CASZ1: variants seen among roughly 807,000 people sequenced by gnomAD.
The protein encoded by CASZ1 is zinc finger protein castor homolog 1.
A neutral mutation model predicts 135.2 loss-of-function variants in CASZ1; 28 were observed. That is an observed-to-expected ratio of 0.21 (90% CI 0.15 to 0.28). CASZ1 has a LOEUF of 0.28. Among genes scored for constraint, CASZ1 ranks in the 10% least tolerant of loss-of-function variants. The pLI is 1.00. For missense variants in CASZ1, 2,161 were observed against 2,453.3 expected (o/e 0.88, Z 2.52); for synonymous variants, 1,068 against 1,073.4 (o/e 0.99, Z 0.10).
At position 10,660,546 on chromosome 1, in the gene CASZ1, A is replaced by G. The variant is rs752106591; in HGVS notation, c.506-10T>C. On this transcript the variant is annotated splice_polypyrimidine_tract_variant and intron_variant, in intron 5 of 20. Coordinates refer to ENST00000377022, the MANE Select transcript of CASZ1 (RefSeq NM_001079843.3). ...AGCGAGGAGGCCTCTCCTGCAGAGG[A>G]GGATGGGGGCGCATCACCTCTGGGA... 1 of 1,605,854 alleles carries G rather than the reference A, an allele frequency of 6.2e-7. No homozygotes were observed. The highest frequency in any genetic ancestry group is 8.5e-7 in the Non-Finnish European group (1 of 1,177,560).
chr1:10,658,691 A>G (rs1642893115), intron 6 of CASZ1, 115 bp from the exon 7 acceptor site: 2 of 879,574 alleles, frequency 2.3e-6, no homozygotes, highest in Admixed American at 1.9e-5. Context: ...TCTGCTCTGC[A>G]GTGTCCGAGG....
rs1437945182 is a variant in CASZ1, at chr1:10,774,263, G to A, written c.-233-13406C>T. 6.6e-6 allele frequency among the ~76,000 whole-genome samples: 1 copy of A among 152,148 alleles called. No individual in the cohort carries two copies. Among genetic ancestry groups the A allele is most frequent in the Non-Finnish European group, 1.5e-5 (1 of 68,026 alleles). ...CACACGGTATATCTCCTGACTCTCG[G>A]AGAATCGGGAACCATTTCAAAAGCT... On this transcript the variant is annotated intron_variant, in intron 1 of 20. Transcript: ENST00000377022. The surrounding 1 kb of genome is among the most constrained non-coding windows in gnomAD (Gnocchi z 4.4).
intron 13 of CASZ1, 152 bp downstream of exon 13, chr1:10,650,540 T>C: frequency 1.5e-6 from 1 of 653,798 alleles, no homozygotes; most frequent in South Asian, 2.0e-5. Context: ...TCTGAAATTA[T>C]ATCCGATGAA....
intron 1 of CASZ1, among the ~76,000 whole-genome samples, chr1:10,771,277 CG>C (rs1352647697): frequency 1.8e-4 from 7 of 39,242 alleles, no homozygotes; most frequent in Non-Finnish European, 3.0e-4. Flanking sequence ...GAGGTGGGGG[CG>C]GGGGTGGCGG....
intron 4 of CASZ1, among the ~76,000 whole-genome samples, chr1:10,675,991 G>A (rs1484648987): frequency 1.3e-5 from 2 of 152,168 alleles, no homozygotes; most frequent in African/African-American, 2.4e-5. Context: ...CCATCCCAGG[G>A]GCTCAGACAC....
intron 1 of CASZ1, among the ~76,000 whole-genome samples, chr1:10,784,328 G>A (rs1275102362): frequency 6.6e-6 from 1 of 152,192 alleles, no homozygotes; most frequent in African/African-American, 2.4e-5. Context: ...CCCTCGGAGG[G>A]AAGCTTCCAA....
chr1:10,702,811 C>T (rs754159608), intron 3 of CASZ1, among the ~76,000 whole-genome samples: 8 of 152,188 alleles, frequency 5.3e-5, no homozygotes, highest in Admixed American at 3.9e-4. Flanking sequence ...GCAAACTGTC[C>T]ATTATGGGTT....
At position 10,721,126 on chromosome 1, in the gene CASZ1, G is replaced by T. The variant is rs115832070; in HGVS notation, c.-76-15582C>A. The stretch of plus-strand genomic sequence containing the variant: ...ACTGCCCGGTGCCCAGGGTCCCCTT[G>T]GCTCCTTGATTTATTTGCCTATTAA... On this transcript the variant is annotated intron_variant, in intron 2 of 20. Transcript: ENST00000377022. The surrounding 1 kb of genome is among the most constrained non-coding windows in gnomAD (Gnocchi z 5.4). Among the ~76,000 whole-genome samples, 1 of 152,064 alleles carries T rather than the reference G, an allele frequency of 6.6e-6. No individual in the cohort carries two copies. Among genetic ancestry groups the T allele is most frequent in the Non-Finnish European group, 1.5e-5 (1 of 68,014 alleles).
chr1:10,748,530 A>C, intron 2 of CASZ1, among the ~76,000 whole-genome samples: 1 of 152,208 alleles, frequency 6.6e-6, no homozygotes, highest in Middle Eastern at 3.4e-3. Flanking sequence ...CTAAGCTTGC[A>C]GAGTGACGGC....
At chr1:10,723,210 G>A (rs955844143) in intron 2 of CASZ1, among the ~76,000 whole-genome samples, 4 of 152,132 alleles carry the variant, frequency 2.6e-5, no homozygotes, top group African/African-American at 7.2e-5. Context: ...AGGGGGACAA[G>A]AGGAAGGGTT....
At chr1:10,742,829 C>CA (rs1471527637) in intron 2 of CASZ1, among the ~76,000 whole-genome samples, 2 of 151,956 alleles carry the variant, frequency 1.3e-5, no homozygotes, top group African/African-American at 2.4e-5. Flanking sequence ...ACTAAAAATA[C>CA]AAAAAATTAG....
rs897443090 is a variant in CASZ1, at chr1:10,739,235, G to A, written c.-77+21466C>T. Reference sequence around the variant, plus strand: ...GCGGTGCAACCTGCAGCTGCGGGACGGGTGCATTCACGAGGGGGGTGTGTG... The same window carrying A: ...GCGGTGCAACCTGCAGCTGCGGGACAGGTGCATTCACGAGGGGGGTGTGTG... On this transcript the variant is annotated intron_variant, in intron 2 of 20. Transcript: ENST00000377022. This position sits in a 1 kb window ranked among gnomAD's most constrained non-coding sequence, Gnocchi z 4.8. Among the ~76,000 whole-genome samples the A allele has an allele frequency of 2.0e-5, 3 of 152,114 alleles. No homozygotes were observed. Among genetic ancestry groups the A allele is most frequent in the Non-Finnish European group, 2.9e-5 (2 of 68,004 alleles).
chr1:10,679,542 G>A lies in CASZ1; in HGVS notation c.17-13971C>T, dbSNP rs898396203. Among the ~76,000 whole-genome samples, 4 of 152,082 alleles carry A rather than the reference G, an allele frequency of 2.6e-5. No homozygotes were observed. The highest frequency in any genetic ancestry group is 4.8e-5 in the African/African-American group (2 of 41,400). ...CTCTGGCATTCTCCTAGGGCCCCCCGCGGGCCCCTCCTCCCCATACCATAG... is the reference window on the plus strand; with the variant it reads ...CTCTGGCATTCTCCTAGGGCCCCCCACGGGCCCCTCCTCCCCATACCATAG... On this transcript the variant is annotated intron_variant, in intron 4 of 20. Transcript: ENST00000377022. This position sits in a 1 kb window ranked among gnomAD's most constrained non-coding sequence, Gnocchi z 4.7.
At chr1:10,644,717 C>T (rs1260640267) in intron 18 of CASZ1, among the ~76,000 whole-genome samples, 200 bp downstream of exon 18, 2 of 152,232 alleles carry the variant, frequency 1.3e-5, no homozygotes, top group African/African-American at 4.8e-5. Context: ...CACCCCCACT[C>T]TTCTTGCTGG....
chr1:10,744,063 T>C (rs1260247920), intron 2 of CASZ1, among the ~76,000 whole-genome samples: 1 of 152,014 alleles, frequency 6.6e-6, no homozygotes, highest in Non-Finnish European at 1.5e-5. Context: ...TCGGGCACTC[T>C]CTCCCCCTTA....
At chr1:10,734,938 G>A (rs1428743840) in intron 2 of CASZ1, among the ~76,000 whole-genome samples, 3 of 152,104 alleles carry the variant, frequency 2.0e-5, no homozygotes, top group Non-Finnish European at 4.4e-5. Flanking sequence ...GAGAGAAGTG[G>A]GGGGCCACAA....
chr1:10,706,649 C>T lies in CASZ1; in HGVS notation c.-76-1105G>A, dbSNP rs1352621067. On this transcript the variant is annotated intron_variant, in intron 2 of 20. Transcript: ENST00000377022. The surrounding 1 kb of genome is among the most constrained non-coding windows in gnomAD (Gnocchi z 4.3). ...GACAGATAATGCTAATTGTACTTGACACGTCCTCTTAAGGAGGGCTCGGCT... is the reference window on the plus strand; with the variant it reads ...GACAGATAATGCTAATTGTACTTGATACGTCCTCTTAAGGAGGGCTCGGCT... 6.6e-6 allele frequency among the ~76,000 whole-genome samples: 1 copy of T among 152,208 alleles called. No homozygotes were observed. The highest frequency in any genetic ancestry group is 2.4e-5 in the African/African-American group (1 of 41,458).
At chr1:10,782,772 G>A (rs1640785784) in intron 1 of CASZ1, among the ~76,000 whole-genome samples, 1 of 152,206 alleles carries the variant, frequency 6.6e-6, no homozygotes, top group Non-Finnish European at 1.5e-5. Context: ...CTGGGGGAGG[G>A]GGCTGGGCCG....
At position 10,735,825 on chromosome 1, in the gene CASZ1, G is replaced by C. The variant is rs1309580974; in HGVS notation, c.-77+24876C>G. On this transcript the variant is annotated intron_variant, in intron 2 of 20. Coordinates refer to ENST00000377022, the MANE Select transcript of CASZ1 (RefSeq NM_001079843.3). The surrounding 1 kb of genome is among the most constrained non-coding windows in gnomAD (Gnocchi z 5.1). Reference sequence around the variant, plus strand: ...CACCAAGGGGACACTGGGAGTTGTAGGTAGTCAGGGAGCCCAGAGGCAGTG... The same window carrying C: ...CACCAAGGGGACACTGGGAGTTGTACGTAGTCAGGGAGCCCAGAGGCAGTG... Among the ~76,000 whole-genome samples, 1 of 152,166 alleles carries C rather than the reference G, an allele frequency of 6.6e-6. No individual in the cohort carries two copies. The highest frequency in any genetic ancestry group is 1.5e-5 in the Non-Finnish European group (1 of 68,022).
Sources: allele counts gnomAD v4.1 joint callset (sites outside exome capture counted in the v4.1 genomes callset), GRCh38; gene constraint gnomAD v4.1.1; non-coding constraint Gnocchi (gnomAD v3.1); transcripts MANE v1.5; gene names NCBI Gene and HGNC (gene_info 2026-07-23, HGNC 2026-07-21).